CLVS1: variants seen among roughly 807,000 people sequenced by gnomAD.
CLVS1 encodes clavesin-1.
Under a neutral mutation model 33.1 loss-of-function variants are expected in CLVS1, and 10 were observed. The ratio of observed to expected loss-of-function variants is 0.30; its 90% CI spans 0.19 to 0.51. CLVS1 has a LOEUF of 0.51. Ranked by LOEUF, CLVS1 falls within the 20% of genes least tolerant of loss-of-function variation. The probability of loss-of-function intolerance (pLI) is 0.97; values close to 1 mark genes in which losing one functional copy is unlikely to be tolerated. For missense variants in CLVS1, 343 were observed against 433.4 expected (o/e 0.79, Z 1.85); for synonymous variants, 163 against 166.1 (o/e 0.98, Z 0.14).
At chr8:61,164,916 T>A (rs1325879137) in intron 2 of CLVS1, among the ~76,000 whole-genome samples, 1 of 152,094 alleles carries the variant, frequency 6.6e-6, no homozygotes, top group Non-Finnish European at 1.5e-5. Context: ...TTACCAGGGG[T>A]CCTTGCTCAC....
intron 2 of CLVS1, among the ~76,000 whole-genome samples, chr8:61,168,945 T>C (rs768688569): frequency 6.6e-6 from 1 of 152,240 alleles, no homozygotes; most frequent in Non-Finnish European, 1.5e-5. Context: ...CTTTTAATTT[T>C]CTTTTGCTTC....
chr8:61,271,612 G>T (rs1343045746), intron 2 of CLVS1, among the ~76,000 whole-genome samples: 5 of 103,914 alleles, frequency 4.8e-5, no homozygotes, highest in African/African-American at 2.7e-4. Flanking sequence ...GTTGACAGTG[G>T]GGTGTTGAAG....
chr8:61,246,232 T>A (rs1175187491), intron 2 of CLVS1, among the ~76,000 whole-genome samples: 1 of 134,296 alleles, frequency 7.4e-6, no homozygotes, highest in Non-Finnish European at 1.6e-5. Context: ...GGCTGGAGTG[T>A]GATCTCGGCT....
chr8:61,273,221 CAGCTGCAGGTCTGTTGGAAT>C, intron 2 of CLVS1, among the ~76,000 whole-genome samples: 1 of 151,618 alleles, frequency 6.6e-6, no homozygotes, highest in Admixed American at 6.6e-5. Flanking sequence ...ACAGGACCCT[CAGCTGCAGGTCTGTTGGAAT>C]ACCCTGCCGT....
chr8:61,023,688 A>C, the CLVS1 span, among the ~76,000 whole-genome samples: 1 of 152,096 alleles, frequency 6.6e-6, no homozygotes, highest in Admixed American at 6.5e-5. Flanking sequence ...AGCGCCATCT[A>C]CCGGCTGTTT....
At chr8:61,232,977 T>C (rs1808478279) in intron 2 of CLVS1, among the ~76,000 whole-genome samples, 1 of 152,204 alleles carries the variant, frequency 6.6e-6, no homozygotes, top group Admixed American at 6.5e-5. Flanking sequence ...CATATAACCA[T>C]ATAAAATTTA....
At chr8:61,287,690 T>C (rs1809817916), upstream of CLVS1, among the ~76,000 whole-genome samples, 1 of 152,176 alleles carries the variant, frequency 6.6e-6, no homozygotes, top group Non-Finnish European at 1.5e-5. Context: ...AGTAAAATAA[T>C]TCCCATAGGT....
chr8:61,281,925 T>C (rs1443977718), intron 2 of CLVS1, among the ~76,000 whole-genome samples: 1 of 152,258 alleles, frequency 6.6e-6, no homozygotes, highest in Non-Finnish European at 1.5e-5. Flanking sequence ...AAGATCTTCA[T>C]ATAGCAACAA....
intron 1 of CLVS1, among the ~76,000 whole-genome samples, chr8:61,074,766 T>A (rs1585590558): frequency 6.6e-6 from 1 of 152,026 alleles, no homozygotes; most frequent in Non-Finnish European, 1.5e-5. Context: ...GACAATAATA[T>A]TACCTTGCAG....
chr8:61,271,528 G>C (rs1034532179), intron 2 of CLVS1, among the ~76,000 whole-genome samples: 1 of 147,966 alleles, frequency 6.8e-6, no homozygotes, highest in African/African-American at 2.6e-5. Flanking sequence ...ATGTCTATTA[G>C]GTCTGCTTGG....
chr8:61,471,974 C>T (rs1432317557), intron 5 of CLVS1, among the ~76,000 whole-genome samples: 1 of 152,244 alleles, frequency 6.6e-6, no homozygotes, highest in East Asian at 1.9e-4. Context: ...CTTCCATCCA[C>T]TCCTTCTGCA....
intron 5 of CLVS1, among the ~76,000 whole-genome samples, chr8:61,463,111 T>C (rs1179780008): frequency 6.6e-6 from 1 of 152,218 alleles, no homozygotes; most frequent in Non-Finnish European, 1.5e-5. Context: ...ACTTTTATGT[T>C]GTGGAGACAG....
In CLVS1 at chr8:61,294,670, G is replaced by A. The variant is rs191233624; in HGVS notation, c.-151-5007G>A. The stretch of plus-strand genomic sequence containing the variant: ...GATATAAAATGCTTTGAAATACTAC[G>A]TACACACATACATATACATATTTTT... On this transcript the variant is annotated intron_variant, in intron 1 of 5. Transcript: ENST00000325897. Among the ~76,000 whole-genome samples, 270 of 152,136 alleles carry A rather than the reference G, an allele frequency of 1.8e-3. 3 individuals are homozygous for A. Among genetic ancestry groups the A allele is most frequent in the Admixed American group, 0.011 (164 of 15,274 alleles).
At chr8:61,383,547 T>C (rs1392968916) in intron 3 of CLVS1, among the ~76,000 whole-genome samples, 2 of 152,230 alleles carry the variant, frequency 1.3e-5, no homozygotes. Flanking sequence ...GCAAACTATG[T>C]TTTACCTCCT....
chr8:61,109,775 G>A (rs1204631612), intron 1 of CLVS1, among the ~76,000 whole-genome samples: 1 of 152,102 alleles, frequency 6.6e-6, no homozygotes, highest in Non-Finnish European at 1.5e-5. Flanking sequence ...GTTTATCATG[G>A]GAGAGGAACT....
chr8:61,376,486 G>T, intron 2 of CLVS1, 119 bp from the exon 3 acceptor site: 1 of 861,350 alleles, frequency 1.2e-6, no homozygotes, highest in Non-Finnish European at 1.8e-6. Flanking sequence ...CAGGACGCCA[G>T]TGTGACCCTC....
chr8:61,260,578 A>G (rs1256320770), intron 2 of CLVS1, among the ~76,000 whole-genome samples: 8 of 152,158 alleles, frequency 5.3e-5, no homozygotes, highest in Non-Finnish European at 1.2e-4. Context: ...TCTGGATAAA[A>G]TATTGGTTAA....
the CLVS1 span, among the ~76,000 whole-genome samples, chr8:60,999,336 C>A: frequency 2.0e-5 from 3 of 151,966 alleles, no homozygotes; most frequent in East Asian, 1.9e-4. Flanking sequence ...GTGTGACAGG[C>A]CAGAAATCAG....
rs545964537 is a variant in CLVS1 at position 61,445,063 on chromosome 8, A to G, written c.631-9078A>G. 1.1e-4 allele frequency among the ~76,000 whole-genome samples: 16 copies of G among 152,340 alleles called. No individual in the cohort carries two copies. The South Asian group carries it at 3.3e-3, about 32-fold the overall frequency. ...CCTCAGATGTCAAAGCATTAAATATAGAAACTAGAAAACATGATTAATACA... is the reference window on the plus strand; with the variant it reads ...CCTCAGATGTCAAAGCATTAAATATGGAAACTAGAAAACATGATTAATACA... On this transcript the variant is annotated intron_variant, in intron 3 of 5. Coordinates refer to ENST00000325897, the MANE Select transcript of CLVS1 (RefSeq NM_173519.3).
Sources: gnomAD v4.1 joint callset for allele counts (sites outside exome capture counted in the v4.1 genomes callset) on GRCh38, gnomAD v4.1.1 for gene constraint, MANE v1.5 for transcripts, NCBI Gene and HGNC (gene_info 2026-07-23, HGNC 2026-07-21) for gene names.